TSC22D3: variants seen among roughly 807,000 people sequenced by gnomAD.
TSC22D3 encodes TSC22 domain family protein 3.
In TSC22D3, 4 loss-of-function variants were observed where a neutral mutation model predicts 11.1. The observed-to-expected ratio is 0.36, with a 90% CI of 0.18 to 0.83. The LOEUF (loss-of-function observed/expected upper bound fraction) is 0.83. Among genes scored for constraint, TSC22D3 ranks in the 40% least tolerant of loss-of-function variants. TSC22D3 has a pLI of 0.48. For synonymous variants in TSC22D3, 77 were observed against 70.3 expected (o/e 1.10, Z -0.48); for missense variants, 118 against 159.4 (o/e 0.74, Z 1.40).
intron 1 of TSC22D3, among the ~76,000 whole-genome samples, chrX:107,730,132 G>A: frequency 8.9e-6 from 1 of 112,432 alleles, no homozygotes; most frequent in African/African-American, 3.2e-5. Flanking sequence ...TGTCAACGCT[G>A]TTAGGAGTTG....
chrX:107,763,284 A>G (rs1237105462), intron 1 of TSC22D3, among the ~76,000 whole-genome samples: 1 of 111,542 alleles, frequency 9.0e-6, no homozygotes, highest in Non-Finnish European at 1.9e-5. Flanking sequence ...CTAGAGTCTC[A>G]TGTTTGCCTC....
chrX:107,716,940 G>A, intron 1 of TSC22D3: 10 of 1,104,783 alleles, frequency 9.1e-6, no homozygotes, highest in Non-Finnish European at 1.2e-5. Context: ...CTAGGAGCGG[G>A]GCGAAGGCTG....
intron 1 of TSC22D3, among the ~76,000 whole-genome samples, chrX:107,754,466 G>A (rs1169702498): frequency 1.8e-5 from 2 of 111,484 alleles, no homozygotes; most frequent in Admixed American, 9.6e-5. Flanking sequence ...GTCGGTGGGG[G>A]GCAGCCTGGA....
chrX:107,750,929 C>T (rs1249367216), intron 1 of TSC22D3, among the ~76,000 whole-genome samples: 1 of 112,024 alleles, frequency 8.9e-6, no homozygotes, highest in African/African-American at 3.2e-5. Context: ...CTGGAAACAT[C>T]TGCTGCTGGT....
intron 1 of TSC22D3, among the ~76,000 whole-genome samples, chrX:107,721,498 A>T (rs1927326422): frequency 9.0e-6 from 1 of 111,497 alleles, no homozygotes; most frequent in Non-Finnish European, 1.9e-5. Context: ...GAGGGGGAAC[A>T]TCTCACTTCC....
intron 1 of TSC22D3, among the ~76,000 whole-genome samples, chrX:107,761,955 G>A (rs1011561549): frequency 1.8e-5 from 2 of 111,901 alleles, no homozygotes; most frequent in Non-Finnish European, 3.8e-5. Context: ...GTGAAGTCCC[G>A]TTAGCCTGTG....
intron 1 of TSC22D3, among the ~76,000 whole-genome samples, chrX:107,723,038 C>T (rs911789387): frequency 9.5e-6 from 1 of 105,425 alleles, no homozygotes; most frequent in East Asian, 3.3e-4. Context: ...GAAAAAGCCT[C>T]GGGCTTGGGG....
At chrX:107,718,802 T>A (rs1217011891) in intron 1 of TSC22D3, among the ~76,000 whole-genome samples, 3 of 112,285 alleles carry the variant, frequency 2.7e-5, no homozygotes, top group African/African-American at 9.7e-5. Context: ...ACAATAATGA[T>A]CTCAGGACAT....
At chrX:107,716,294 C>G in intron 1 of TSC22D3, 1 of 933,062 alleles carries the variant, frequency 1.1e-6, no homozygotes, top group Non-Finnish European at 1.3e-6. Context: ...AGCCGGCCTA[C>G]AAGGTCCCAG....
intron 1 of TSC22D3, among the ~76,000 whole-genome samples, chrX:107,755,215 A>G (rs1173624469): frequency 1.8e-5 from 2 of 113,098 alleles, no homozygotes; most frequent in African/African-American, 6.4e-5. Flanking sequence ...AAATTTATTA[A>G]GCATAGGAAA....
intron 1 of TSC22D3, among the ~76,000 whole-genome samples, chrX:107,761,285 C>T (rs990263182): frequency 3.6e-5 from 4 of 112,273 alleles, no homozygotes; most frequent in Non-Finnish European, 7.5e-5. Flanking sequence ...CCTAGCTCCC[C>T]ACAAGGGCTA....
Position 107,714,691 on chromosome X carries a change from T to C in TSC22D3, c.431A>G (p.Glu144Gly), listed in dbSNP as rs1451071361. 1 of 1,211,583 alleles carries C rather than the reference T, an allele frequency of 8.3e-7. No homozygotes were observed. The highest frequency in any genetic ancestry group is 1.7e-5 in the African/African-American group (1 of 57,685). ...AVREEVEILK[E>G]QIRELVEKNS... Reference sequence around the variant, plus strand: ...CTTCTCCACCAGCTCTCGGATCTGCTCCTTCAGGATCTCCACCTCCTCTCT... The same window carrying C: ...CTTCTCCACCAGCTCTCGGATCTGCCCCTTCAGGATCTCCACCTCCTCTCT... Residue 144 changes from glutamate (E) to glycine (G), a missense_variant, in exon 3 of 3, where the codon GAG (glutamate) becomes GGG (glycine). By Grantham distance (98) the Glu-to-Gly change is moderately conservative. Coordinates refer to ENST00000372383, the MANE Select transcript of TSC22D3 (RefSeq NM_198057.3).
intron 1 of TSC22D3, among the ~76,000 whole-genome samples, chrX:107,742,272 AGAGAGAGAAAGAGAGAGAG>A (rs1468648679): frequency 3.0e-5 from 2 of 66,014 alleles, no homozygotes; most frequent in African/African-American, 1.5e-4. Context: ...AGAGAGAGAG[AGAGAGAGAAAGAGAGAGAG>A]AGAGAGAGAG....
chrX:107,743,875 C>T (rs1208059994), intron 1 of TSC22D3, among the ~76,000 whole-genome samples: 1 of 111,740 alleles, frequency 8.9e-6, no homozygotes, highest in Non-Finnish European at 1.9e-5. Flanking sequence ...TTTACCACTC[C>T]TTTGGGATTC....
intron 1 of TSC22D3, among the ~76,000 whole-genome samples, chrX:107,769,106 G>A (rs1047925577): frequency 2.7e-5 from 3 of 112,483 alleles, no homozygotes; most frequent in Non-Finnish European, 5.6e-5. Context: ...CCACAAAATT[G>A]TGTTGAAAAG....
chrX:107,720,418 G>T (rs1345590061), intron 1 of TSC22D3, among the ~76,000 whole-genome samples: 1 of 112,286 alleles, frequency 8.9e-6, no homozygotes, highest in Non-Finnish European at 1.9e-5. Context: ...CTGGCCAGGC[G>T]CAGCGGCTCA....
At chrX:107,736,401 A>AC (rs1213722164) in intron 1 of TSC22D3, among the ~76,000 whole-genome samples, 1 of 110,412 alleles carries the variant, frequency 9.1e-6, no homozygotes, top group Non-Finnish European at 1.9e-5. Context: ...TTCTCTCCCC[A>AC]TTTTCCCCTT....
intron 1 of TSC22D3, among the ~76,000 whole-genome samples, chrX:107,727,868 T>G (rs888105213): frequency 4.4e-5 from 5 of 112,590 alleles, no homozygotes; most frequent in Non-Finnish European, 9.4e-5. Flanking sequence ...AATGTTTCCC[T>G]GTATGTAGAA....
intron 1 of TSC22D3, chrX:107,716,765 T>G: frequency 1.7e-6 from 2 of 1,209,995 alleles, no homozygotes; most frequent in Non-Finnish European, 1.1e-6. Flanking sequence ...ATTGTGCAGC[T>G]GGTAGACCGC....
Sources: allele counts gnomAD v4.1 joint callset (sites outside exome capture counted in the v4.1 genomes callset), GRCh38; gene constraint gnomAD v4.1.1; transcripts MANE v1.5; gene names NCBI Gene and HGNC (gene_info 2026-07-23, HGNC 2026-07-21).